The following SGPP2 variants were observed in gnomAD, a reference collection of about 807,000 sequenced individuals.
The protein encoded by SGPP2 is sphingosine-1-phosphate phosphatase 2.
Under a neutral mutation model 33.9 loss-of-function variants are expected in SGPP2, and 30 were observed. That is an observed-to-expected ratio of 0.89 (90% CI 0.66 to 1.20). SGPP2 has a LOEUF of 1.20. Ranked by LOEUF, SGPP2 falls within the 50% of genes most tolerant of loss-of-function variation. SGPP2 has a pLI of 0.00. For missense variants in SGPP2, 458 were observed against 532.1 expected, an observed-to-expected ratio of 0.86 and a Z score of 1.37; for synonymous variants, 233 against 225.0, an observed-to-expected ratio of 1.04 and a Z score of -0.32.
At position 222,558,850 on chromosome 2, in the gene SGPP2, C is replaced by A. The variant is rs765345662; in HGVS notation, c.1152C>A (p.Cys384Ter). 6.2e-7 allele frequency: 1 copy of A among 1,613,340 alleles called. No homozygotes were observed. The highest frequency in any genetic ancestry group is 2.2e-5 in the East Asian group (1 of 44,846). The change falls in exon 5 of 5, where the codon TGC (cysteine) becomes TGA (stop). Residue 384 changes from cysteine (C) to a stop codon, truncating the protein, a stop_gained. Transcript: ENST00000321276. LOFTEE classifies it high-confidence loss of function. ...KFVTYTSVGICATTFVPMLHR... is the reference protein window; with the variant it reads ...KFVTYTSVGI ...TTACCTACACATCTGTTGGCATCTG[C>A]GCTACAACCTTTGTGCCGATGCTTC...
chr2:222,438,707 A>G (rs1057035672), intron 1 of SGPP2, among the ~76,000 whole-genome samples: 1 of 152,238 alleles, frequency 6.6e-6, no homozygotes, highest in African/African-American at 2.4e-5. Context: ...TCCAAGATCC[A>G]TCTGTCTTCT....
chr2:222,549,013 G>A (rs1194645048), intron 4 of SGPP2, among the ~76,000 whole-genome samples: 1 of 152,188 alleles, frequency 6.6e-6, no homozygotes, highest in African/African-American at 2.4e-5. Flanking sequence ...GTCAGTGTCT[G>A]CTTGCCTACA....
Position 222,452,252 on chromosome 2 carries a change from C to T in SGPP2, c.220-22316C>T, listed in dbSNP as rs114573641. 1,322 of 444,944 alleles carry T rather than the reference C, an allele frequency of 3.0e-3. 26 individuals carry two copies. Among genetic ancestry groups the T allele is most frequent in the African/African-American group, 0.024 (1,207 of 49,902 alleles). The allele number at this position is 444,944 out of a possible 1,614,324, so 27.6% of individuals were successfully genotyped here. A position where few individuals can be genotyped will look rare whatever the true frequency, so the allele number is the denominator to read the frequency against. On this transcript the variant is annotated intron_variant, in intron 1 of 4. Coordinates refer to ENST00000321276, the MANE Select transcript of SGPP2 (RefSeq NM_152386.4). ...TGATTAGGCTTCAACCATACCCCAC[C>T]CTCCATCATATTGACTGGATAGGCA... is the stretch of plus-strand genomic sequence containing the variant.
At chr2:222,466,218 A>G (rs1401567371) in intron 1 of SGPP2, among the ~76,000 whole-genome samples, 2 of 150,124 alleles carry the variant, frequency 1.3e-5, no homozygotes, top group African/African-American at 2.5e-5. Flanking sequence ...CTATGTAGAC[A>G]TGGCCCCTGT....
rs934890186 is a variant in SGPP2, at chr2:222,492,189, T to C, written c.378+17463T>C. 2.6e-5 allele frequency among the ~76,000 whole-genome samples: 4 copies of C among 152,158 alleles called. No individual in the cohort carries two copies. In the East Asian group the frequency reaches 7.7e-4, roughly 29 times the overall value. On this transcript the variant is annotated intron_variant, in intron 2 of 4. Transcript: ENST00000321276. ...AGTAGCCCTCTTCTCCTAAACTCACTAGGCAGTGCCCCAGTGGGGACTCTG... is the reference window on the plus strand; with the variant it reads ...AGTAGCCCTCTTCTCCTAAACTCACCAGGCAGTGCCCCAGTGGGGACTCTG...
rs187530747 is a variant in SGPP2 at position 222,474,697 on chromosome 2, T to G, written c.349T>G (p.Leu117Val). 1 of 1,613,952 alleles carries G rather than the reference T, an allele frequency of 6.2e-7. No individual in the cohort carries two copies. Among genetic ancestry groups the G allele is most frequent in the East Asian group, 2.2e-5 (1 of 44,850 alleles). Reference protein sequence around the residue: ...PFTHWNIDPYLSRRLIIIWVL... With the variant: ...PFTHWNIDPYVSRRLIIIWVL... Reference sequence around the variant, plus strand: ...CACTCACTGGAATATTGACCCTTATTTATCCAGAAGATTGATCATCATATG... The same window carrying G: ...CACTCACTGGAATATTGACCCTTATGTATCCAGAAGATTGATCATCATATG... The change falls in exon 2 of 5, where the codon TTA becomes GTA. Residue 117 changes from leucine (L) to valine (V), a missense_variant. Coordinates refer to ENST00000321276, the MANE Select transcript of SGPP2 (RefSeq NM_152386.4).
chr2:222,425,061 T>C (rs1697041882), intron 1 of SGPP2, among the ~76,000 whole-genome samples: 1 of 152,216 alleles, frequency 6.6e-6, no homozygotes, highest in Non-Finnish European at 1.5e-5. Context: ...TTCAATGCAG[T>C]CCATTTAGAG....
intron 1 of SGPP2, among the ~76,000 whole-genome samples, chr2:222,473,933 A>AAAAAAAAAAAT (rs1697889591): frequency 6.6e-6 from 1 of 152,004 alleles, no homozygotes; most frequent in Non-Finnish European, 1.5e-5. Flanking sequence ...TCAAAAAAAA[A>AAAAAAAAAAAT]AAAAGAATAT....
intron 1 of SGPP2, among the ~76,000 whole-genome samples, chr2:222,472,235 A>G (rs751767401): frequency 6.6e-6 from 1 of 152,210 alleles, no homozygotes; most frequent in Non-Finnish European, 1.5e-5. Context: ...CTTAAAATGC[A>G]AATTTGTAAT....
intron 1 of SGPP2, among the ~76,000 whole-genome samples, chr2:222,445,615 G>T (rs1212457154): frequency 6.6e-6 from 1 of 152,168 alleles, no homozygotes; most frequent in African/African-American, 2.4e-5. Flanking sequence ...GCTCCCTGAT[G>T]TAGTGGGCAG....
chr2:222,527,282 C>CA (rs199827851), intron 4 of SGPP2, among the ~76,000 whole-genome samples: 4,742 of 148,936 alleles, frequency 0.032, 100 homozygotes, highest in African/African-American at 0.058. Context: ...CACTGAGAAA[C>CA]AAAAAAAAAA....
In SGPP2 at chr2:222,559,099, G is replaced by C. The variant is rs929585431; in HGVS notation, c.*201G>C. The C allele has an allele frequency of 1.9e-6, 1 of 520,386 alleles. No individual in the cohort carries two copies. 32.2% of individuals were successfully genotyped at this position (520,386 alleles called of 1,614,324 possible). ...GGTCATTGGTCGTCCGTGGTGGTTG[G>C]TTGTGCTACAGTTGAACCCAGGCTA... is the stretch of plus-strand genomic sequence containing the variant. On this transcript the variant is annotated 3_prime_UTR_variant, in exon 5 of 5. Transcript: ENST00000321276.
At chr2:222,553,962 A>T (rs1358406989) in intron 4 of SGPP2, among the ~76,000 whole-genome samples, 1 of 152,196 alleles carries the variant, frequency 6.6e-6, no homozygotes, top group Non-Finnish European at 1.5e-5. Flanking sequence ...GAATGCCCTC[A>T]GAGCTTCAGG....
At chr2:222,554,847 A>G (rs770873146) in intron 4 of SGPP2, among the ~76,000 whole-genome samples, 39 of 152,242 alleles carry the variant, frequency 2.6e-4, no homozygotes, top group Non-Finnish European at 5.9e-5. Flanking sequence ...TGTCTGAAAT[A>G]TATTTTGAAA....
In SGPP2 at chr2:222,440,104, A is replaced by G. The variant is rs564630930; in HGVS notation, c.219+15283A>G. On this transcript the variant is annotated intron_variant, in intron 1 of 4. Coordinates refer to ENST00000321276, the MANE Select transcript of SGPP2 (RefSeq NM_152386.4). ...TTTTCTCGCAACTTTTACTACAGGC[A>G]TTATTTGTACTTTCTGCACAAGGAA... Among the ~76,000 whole-genome samples, 6 of 152,330 alleles carry G rather than the reference A, an allele frequency of 3.9e-5. No homozygotes were observed. In the South Asian group the frequency reaches 8.3e-4, roughly 21 times the overall value.
intron 4 of SGPP2, among the ~76,000 whole-genome samples, chr2:222,541,560 A>C (rs753667086): frequency 6.6e-6 from 1 of 151,984 alleles, no homozygotes; most frequent in Admixed American, 6.6e-5. Flanking sequence ...AGAAATGTGC[A>C]TCCCCACTTT....
chr2:222,530,249 G>A (rs1698818994), intron 4 of SGPP2, among the ~76,000 whole-genome samples: 1 of 152,198 alleles, frequency 6.6e-6, no homozygotes, highest in African/African-American at 2.4e-5. Context: ...TCACCTTAAA[G>A]TTACCAGCTG....
rs1697940296 is a variant in SGPP2, at chr2:222,476,746, A to G, written c.378+2020A>G. Reference sequence around the variant, plus strand: ...TATGTGTGTATATAGGTGTGTGTGTATATGTATGTATATAGGTGTGTATAT... The same window carrying G: ...TATGTGTGTATATAGGTGTGTGTGTGTATGTATGTATATAGGTGTGTATAT... On this transcript the variant is annotated intron_variant, in intron 2 of 4. Transcript: ENST00000321276. The surrounding 1 kb of genome is among the most constrained non-coding windows in gnomAD (Gnocchi z 4.3). Among the ~76,000 whole-genome samples, 4 of 150,518 alleles carry G rather than the reference A, an allele frequency of 2.7e-5. No individual in the cohort carries two copies. The highest frequency in any genetic ancestry group is 9.8e-5 in the African/African-American group (4 of 40,998).
At chr2:222,470,467 G>C (rs1401757937) in intron 1 of SGPP2, among the ~76,000 whole-genome samples, 1 of 152,116 alleles carries the variant, frequency 6.6e-6, no homozygotes, top group African/African-American at 2.4e-5. Flanking sequence ...TGGTTATTCT[G>C]TTCCTCAGAA....
Sources: allele counts gnomAD v4.1 joint callset (sites outside exome capture counted in the v4.1 genomes callset), GRCh38; gene constraint gnomAD v4.1.1; non-coding constraint Gnocchi (gnomAD v3.1); transcripts MANE v1.5; gene names NCBI Gene and HGNC (gene_info 2026-07-23, HGNC 2026-07-21).